The following PNKD variants were observed in gnomAD, a reference collection of about 807,000 sequenced individuals.
PNKD encodes the protein probable thioesterase PNKD.
In PNKD, 36 loss-of-function variants were observed where a neutral mutation model predicts 45.3. The observed-to-expected ratio is 0.80, with a 90% CI of 0.61 to 1.05. The LOEUF (loss-of-function observed/expected upper bound fraction) is 1.05. PNKD is among the 50% of genes least tolerant of loss of function. The probability of loss-of-function intolerance (pLI) is 0.00; values close to 1 mark genes in which losing one functional copy is unlikely to be tolerated. For synonymous variants in PNKD, 197 were observed against 210.1 expected (o/e 0.94, Z 0.54); for missense variants, 511 against 506.6 (o/e 1.01, Z -0.08).
chr2:218,272,473 C>T (rs1690881885), intron 2 of PNKD: 3 of 1,112,592 alleles, frequency 2.7e-6, no homozygotes, highest in South Asian at 2.5e-5. Context: ...GGTATTGCAG[C>T]ATTCATGCAA....
At chr2:218,318,371 TGGAGTGCATG>T (rs1693875149) in intron 2 of PNKD, 1 of 152,306 alleles carries the variant, frequency 6.6e-6, no homozygotes, top group African/African-American at 2.4e-5. Context: ...GCCAAAGCCC[TGGAGTGCATG>T]GGTTCTTTAG....
intron 2 of PNKD, among the ~76,000 whole-genome samples, chr2:218,297,145 A>C (rs1469794578): frequency 2.0e-5 from 3 of 152,226 alleles, no homozygotes; most frequent in Admixed American, 1.3e-4. Flanking sequence ...CCAATGTTCC[A>C]AAGTGGGATG....
At chr2:218,318,218 A>G (rs1440886024) in intron 2 of PNKD, 3 of 152,442 alleles carry the variant, frequency 2.0e-5, no homozygotes, top group African/African-American at 4.8e-5. Context: ...CCCCACCCCA[A>G]CCCAGGAACC....
chr2:218,277,207 T>G, intron 2 of PNKD: 1 of 1,171,014 alleles, frequency 8.5e-7, no homozygotes, highest in Non-Finnish European at 1.3e-6. Context: ...GGTATGGGAA[T>G]GTCCACAACA....
chr2:218,274,412 C>T (rs1574620654), intron 2 of PNKD: 1 of 154,630 alleles, frequency 6.5e-6, no homozygotes, highest in Non-Finnish European at 1.5e-5. Flanking sequence ...GAGAGATGGG[C>T]CTCAAGTCAG....
intron 2 of PNKD, among the ~76,000 whole-genome samples, chr2:218,333,843 C>G (rs1291048761): frequency 6.6e-6 from 1 of 151,290 alleles, no homozygotes; most frequent in African/African-American, 2.4e-5. Flanking sequence ...GGCCAGGCGC[C>G]GTGGCTCACA....
chr2:218,309,607 T>A (rs1314838456), intron 2 of PNKD, among the ~76,000 whole-genome samples: 1 of 151,840 alleles, frequency 6.6e-6, no homozygotes, highest in Admixed American at 6.6e-5. Context: ...CCCAAAGTAC[T>A]AGTTTGGATG....
At chr2:218,327,243 C>A (rs760800695) in intron 2 of PNKD, 2 of 152,192 alleles carry the variant, frequency 1.3e-5, no homozygotes, top group Non-Finnish European at 1.5e-5. Context: ...CCCTGGCAAC[C>A]CCCCCTGGGA....
intron 2 of PNKD, among the ~76,000 whole-genome samples, chr2:218,300,385 C>T (rs1232786120): frequency 6.6e-6 from 1 of 152,136 alleles, no homozygotes; most frequent in African/African-American, 2.4e-5. Flanking sequence ...TCCTATGTCT[C>T]TGAGCAAGCA....
intron 2 of PNKD, 57 bp from the exon 3 acceptor site, chr2:218,339,726 G>A: frequency 9.8e-7 from 1 of 1,018,344 alleles, no homozygotes; most frequent in Non-Finnish European, 1.6e-6. Context: ...CATCACGAAG[G>A]AGTCTAGGGG....
chr2:218,279,636 C>T (rs1217724545), intron 2 of PNKD: 2 of 486,722 alleles, frequency 4.1e-6, no homozygotes, highest in Admixed American at 7.6e-5. Context: ...CTCTGCACTC[C>T]CAGCAGCTCA....
chr2:218,272,720 G>T lies in PNKD; in HGVS notation c.236+1171G>T, dbSNP rs748151319. The T allele has an allele frequency of 1.4e-4, 228 of 1,614,100 alleles. No homozygotes were observed. The highest frequency in any genetic ancestry group is 1.9e-4 in the Non-Finnish European group (227 of 1,180,050). On this transcript the variant is annotated intron_variant, in intron 2 of 9. Transcript: ENST00000273077. Reference sequence around the variant, plus strand: ...GCCAGAGGTTCAGGGCTTCCTCCCAGAGTGCCCCGTCCCCTGATGTTGGGT... The same window carrying T: ...GCCAGAGGTTCAGGGCTTCCTCCCATAGTGCCCCGTCCCCTGATGTTGGGT...
In PNKD at chr2:218,340,179, A is replaced by C; in HGVS notation, c.465+38A>C. On this transcript the variant is annotated intron_variant, in intron 4 of 9. Coordinates refer to ENST00000273077, the MANE Select transcript of PNKD (RefSeq NM_015488.5). This position sits in a 1 kb window ranked among gnomAD's most constrained non-coding sequence, Gnocchi z 4.2. ...CAGGGAGCAGGGGGTGCCTGGAGTCACCTTGGGGACTGGCAGTTTCGCCTT... is the reference window on the plus strand; with the variant it reads ...CAGGGAGCAGGGGGTGCCTGGAGTCCCCTTGGGGACTGGCAGTTTCGCCTT... 1.5e-6 allele frequency: 2 copies of C among 1,307,348 alleles called. No individual in the cohort carries two copies. Among genetic ancestry groups the C allele is most frequent in the Non-Finnish European group, 2.2e-6 (2 of 903,912 alleles). 81.0% of individuals were successfully genotyped at this position (1,307,348 alleles called of 1,614,324 possible). A position where few individuals can be genotyped will look rare whatever the true frequency, so the allele number is the denominator to read the frequency against.
At chr2:218,338,345 C>T (rs987718583) in intron 2 of PNKD, among the ~76,000 whole-genome samples, 12 of 151,090 alleles carry the variant, frequency 7.9e-5, no homozygotes, top group African/African-American at 2.9e-4. Flanking sequence ...CCTGTAATCC[C>T]AGCTACTCGG....
Position 218,345,002 on chromosome 2 carries a change from C to T in PNKD, c.*21C>T, listed in dbSNP as rs753033917. 5 of 1,595,286 alleles carry T rather than the reference C, an allele frequency of 3.1e-6. No homozygotes were observed. Among genetic ancestry groups the T allele is most frequent in the Middle Eastern group, 1.9e-4 (1 of 5,294 alleles). On this transcript the variant is annotated 3_prime_UTR_variant, in exon 10 of 10. Transcript: ENST00000273077. The stretch of plus-strand genomic sequence containing the variant: ...AGTGATGCCCCCAGCGCCCCCAGCC[C>T]AGCCCACTCCCCGCATGGGGAGGCC...
At chr2:218,279,619 G>A in intron 2 of PNKD, 1 of 501,676 alleles carries the variant, frequency 2.0e-6, no homozygotes, top group Non-Finnish European at 3.5e-6. Flanking sequence ...TACTCTACCA[G>A]TATGGCCTCT....
intron 2 of PNKD, among the ~76,000 whole-genome samples, chr2:218,333,395 C>T (rs1277017023): frequency 1.3e-5 from 2 of 152,150 alleles, no homozygotes; most frequent in African/African-American, 2.4e-5. Flanking sequence ...TAAGGGGAGG[C>T]GGGGAGCTTA....
intron 2 of PNKD, among the ~76,000 whole-genome samples, chr2:218,322,671 T>G (rs1437494045): frequency 6.6e-6 from 1 of 152,200 alleles, no homozygotes; most frequent in Non-Finnish European, 1.5e-5. Flanking sequence ...CACGCGCATA[T>G]GTATGTGTAT....
intron 2 of PNKD, among the ~76,000 whole-genome samples, chr2:218,318,920 A>G (rs1304504051): frequency 1.3e-5 from 2 of 150,748 alleles, no homozygotes; most frequent in Non-Finnish European, 3.0e-5. Context: ...TACATATAGT[A>G]AAGTGCACAA....
Sources: gnomAD v4.1 joint callset for allele counts (sites outside exome capture counted in the v4.1 genomes callset) on GRCh38, gnomAD v4.1.1 for gene constraint, Gnocchi (gnomAD v3.1) non-coding constraint, MANE v1.5 for transcripts, NCBI Gene and HGNC (gene_info 2026-07-23, HGNC 2026-07-21) for gene names.